WDR87: variants seen among roughly 807,000 people sequenced by gnomAD.
WDR87 encodes WD repeat-containing protein 87.
A neutral mutation model predicts 83.3 loss-of-function variants in WDR87; 56 were observed. The observed-to-expected ratio is 0.67, with a 90% CI of 0.54 to 0.84. WDR87 has a LOEUF of 0.84. Among genes scored for constraint, WDR87 ranks in the 40% least tolerant of loss-of-function variants. WDR87 has a pLI of 0.00. For synonymous variants in WDR87, 1,173 were observed against 1,250.6 expected (o/e 0.94, Z 1.31); for missense variants, 2,939 against 3,431.9 (o/e 0.86, Z 3.59).
Position 37,889,133 on chromosome 19 carries a change from G to A in WDR87, c.4538C>T (p.Thr1513Ile), listed in dbSNP as rs1268009703. The change falls in exon 6 of 6, where the codon ACA becomes ATA. Residue 1513 changes from threonine to isoleucine, a missense_variant. Around this residue, in one of 3 missense-constraint regions of WDR87, gnomAD observed 2,160 missense variants for 2,533.1 expected, o/e 0.85. Transcript: ENST00000447313. The stretch of plus-strand genomic sequence containing the variant: ...CTTCCATGCCTTCCAGGATTTCCTT[G>A]TCTCACCATGGACCTGTTTCCACTC... The part of the protein sequence containing the change: ...WDEWKQVHGE[T>I]RKSWKAWKEE... 6.4e-7 allele frequency: 1 copy of A among 1,552,046 alleles called. No individual in the cohort carries two copies. The highest frequency in any genetic ancestry group is 8.7e-7 in the Non-Finnish European group (1 of 1,147,090).
At position 37,886,711 on chromosome 19, in the gene WDR87, C is replaced by T; in HGVS notation, c.6960G>A (p.Glu2320=). Residue 2320 remains glutamate, a synonymous_variant, in exon 6 of 6, where the codon GAG becomes GAA. Coordinates refer to ENST00000447313, the MANE Select transcript of WDR87 (RefSeq NM_001291088.2). ...EEEEGEEKQV[E]KEEEEKKKKK... Reference sequence around the variant, plus strand: ...TCTTCTTCTTCTCCTCCTCTTCTTTCTCCACTTGCTTCTCCTCCCCTTCCT... The same window carrying T: ...TCTTCTTCTTCTCCTCCTCTTCTTTTTCCACTTGCTTCTCCTCCCCTTCCT... 6.9e-7 allele frequency: 1 copy of T among 1,449,320 alleles called. No homozygotes were observed. The highest frequency in any genetic ancestry group is 1.4e-5 in the African/African-American group (1 of 70,250). The allele number at this position is 1,449,320 out of a possible 1,614,324, so 89.8% of individuals were successfully genotyped here. A position where few individuals can be genotyped will look rare whatever the true frequency, so the allele number is the denominator to read the frequency against.
In WDR87 at chr19:37,889,210, C is replaced by G. The variant is rs1314294856; in HGVS notation, c.4461G>C (p.Leu1487=). 1 of 1,552,076 alleles carries G rather than the reference C, an allele frequency of 6.4e-7. No individual in the cohort carries two copies. Among genetic ancestry groups the G allele is most frequent in the East Asian group, 2.4e-5 (1 of 40,916 alleles). Residue 1487 remains leucine (L), a synonymous_variant, in exon 6 of 6, where the codon CTG becomes CTC. Transcript: ENST00000447313. ...AAGATGGTGTCCTCTCAATCATAAC[C>G]AGTTTTCCTTCTTGTTTGACCACTT... ...EEKVVKQEGK[L]VMIERTPSWQ...
rs551479428 is a variant in WDR87, at chr19:37,894,983, G to A, written c.720C>T (p.Ser240=). The A allele has an allele frequency of 4.5e-5, 70 of 1,551,664 alleles. No homozygotes were observed. The South Asian group carries it at 6.3e-4, about 14-fold the overall frequency. Residue 240 remains serine, a synonymous_variant, in exon 4 of 6, where the codon AGC becomes AGT. Transcript: ENST00000447313. Reference sequence around the variant, plus strand: ...TGAAGCAGCAGGTGATGGAGGAGCCGCTGCTGGTGGACGTGAACCTCTTTA... The same window carrying A: ...TGAAGCAGCAGGTGATGGAGGAGCCACTGCTGGTGGACGTGAACCTCTTTA... ...GEVKRFTSTS[S]GSSITCCFTC...
In WDR87 at chr19:37,889,778, G is replaced by GT; in HGVS notation, c.3892dup (p.Thr1298AsnfsTer10). On this transcript the variant is annotated frameshift_variant, in exon 6 of 6. Coordinates refer to ENST00000447313, the MANE Select transcript of WDR87 (RefSeq NM_001291088.2). LOFTEE classifies it low-confidence loss of function (END_TRUNC). ...AGCGTTTAGGTTTTCTGACATTTTT[G>GT]TTTGGGAACCAGATATCCTCAGGGC... The GT allele has an allele frequency of 6.4e-7, 1 of 1,551,664 alleles. No homozygotes were observed. Among genetic ancestry groups the GT allele is most frequent in the African/African-American group, 1.4e-5 (1 of 73,140 alleles).
chr19:37,901,400 C>T (rs2046293004), intron 1 of WDR87, among the ~76,000 whole-genome samples: 1 of 152,202 alleles, frequency 6.6e-6, no homozygotes, highest in South Asian at 2.1e-4. Context: ...CACTGCATTC[C>T]AGCCTGGGTG....
At position 37,889,327 on chromosome 19, in the gene WDR87, CT is replaced by C. The variant is rs1280498616; in HGVS notation, c.4343del (p.Lys1448ArgfsTer5). On this transcript the variant is annotated frameshift_variant, in exon 6 of 6. Transcript: ENST00000447313. LOFTEE classifies it low-confidence loss of function (END_TRUNC). ...TCTTTATTTTTCCTACTTTTCTTTC[CT>C]TCTGGACAGCTTTCCTCCCTTGCTT... ...SPKQGRKAVQ[K>X]ERKVGKIKRE... 5 of 1,551,676 alleles carry C rather than the reference CT, an allele frequency of 3.2e-6. No homozygotes were observed. The highest frequency in any genetic ancestry group is 4.4e-6 in the Non-Finnish European group (5 of 1,147,044).
Position 37,888,019 on chromosome 19 carries a change from ATTC to A in WDR87, c.5649_5651del (p.Lys1883del). ...CCAATTTTTCCTTCTCCTGGGCCAGATTCTTCTTTTCCTGAGCCAGATTCTTCT... is the reference window on the plus strand; with the variant it reads ...CCAATTTTTCCTTCTCCTGGGCCAGATTCTTTTCCTGAGCCAGATTCTTCT... On this transcript the variant is annotated inframe_deletion, in exon 6 of 6. Transcript: ENST00000447313. 2 of 1,550,420 alleles carry A rather than the reference ATTC, an allele frequency of 1.3e-6. No individual in the cohort carries two copies. The highest frequency in any genetic ancestry group is 1.2e-5 in the South Asian group (1 of 83,746).
Position 37,894,398 on chromosome 19 carries a change from T to C in WDR87, c.1305A>G (p.Val435=), listed in dbSNP as rs986782344. Reference sequence around the variant, plus strand: ...GGCAAGGGCAGCGGGTTGTGTCAAATACCAGAACCTCTGAGCTGCCTGTTG... The same window carrying C: ...GGCAAGGGCAGCGGGTTGTGTCAAACACCAGAACCTCTGAGCTGCCTGTTG... The part of the protein sequence containing the change: ...FVATGSSEVL[V]FDTTRCPCPA... Residue 435 remains valine (V), a synonymous_variant, in exon 4 of 6, where the codon GTA becomes GTG. Coordinates refer to ENST00000447313, the MANE Select transcript of WDR87 (RefSeq NM_001291088.2). The C allele has an allele frequency of 1.5e-5, 23 of 1,551,576 alleles. No homozygotes were observed. The highest frequency in any genetic ancestry group is 1.4e-4 in the South Asian group (12 of 84,056).
rs577436279 is a variant in WDR87, at chr19:37,893,577, GAGA to G, written c.2123_2125del (p.Phe708del). The G allele has an allele frequency of 4.9e-4, 762 of 1,551,726 alleles. 1 individual carries two copies. The highest frequency in any genetic ancestry group is 6.3e-4 in the Non-Finnish European group (720 of 1,147,048). On this transcript the variant is annotated inframe_deletion, in exon 4 of 6. Coordinates refer to ENST00000447313, the MANE Select transcript of WDR87 (RefSeq NM_001291088.2). ...CTTGGGCACAAACATGGTCTCAAAG[GAGA>G]AGAAGAAGCTTGGTATGAAAGGCTT...
At position 37,893,878 on chromosome 19, in the gene WDR87, TGGCACACA is replaced by T. The variant is rs2046229970; in HGVS notation, c.1817_1824del (p.Leu606HisfsTer5). On this transcript the variant is annotated frameshift_variant, in exon 4 of 6. Transcript: ENST00000447313. LOFTEE classifies it high-confidence loss of function. ...GAGAGGCAGACATCAAAGGATGTGA[TGGCACACA>T]GGTGCAGAGGCAGTGTTTCTATGAA... The T allele has an allele frequency of 6.4e-7, 1 of 1,551,854 alleles. No homozygotes were observed. The highest frequency in any genetic ancestry group is 1.4e-5 in the African/African-American group (1 of 73,060).
At chr19:37,906,248 C>A (rs1284829712) in intron 1 of WDR87, among the ~76,000 whole-genome samples, 1 of 152,128 alleles carries the variant, frequency 6.6e-6, no homozygotes, top group Non-Finnish European at 1.5e-5. Context: ...TAAATTTGGA[C>A]AAAATTTCCC....
Position 37,888,775 on chromosome 19 carries a change from C to A in WDR87, c.4896G>T (p.Arg1632Ser), listed in dbSNP as rs2046175556. The change falls in exon 6 of 6, where the codon AGG becomes AGT. Residue 1632 changes from arginine (R) to serine (S), a missense_variant. Around this residue, in one of 3 missense-constraint regions of WDR87, gnomAD observed 2,160 missense variants for 2,533.1 expected, o/e 0.85. Transcript: ENST00000447313. Reference sequence around the variant, plus strand: ...GTTTCTCTTCTTCTTGTGCTAATTTCCTCTCTTCTTGGGCTCGTTTTTTTT... The same window carrying A: ...GTTTCTCTTCTTCTTGTGCTAATTTACTCTCTTCTTGGGCTCGTTTTTTTT... ...RAEKKRAQEE[R>S]KLAQEEEKLA... 1.3e-6 allele frequency: 2 copies of A among 1,551,706 alleles called. No homozygotes were observed. The highest frequency in any genetic ancestry group is 1.4e-5 in the African/African-American group (1 of 73,014).
chr19:37,889,518 C>T lies in WDR87; in HGVS notation c.4153G>A (p.Glu1385Lys), dbSNP rs1260530618. Residue 1385 changes from glutamate (E) to lysine (K), a missense_variant, in exon 6 of 6, where the codon GAA becomes AAA. This residue lies in a region of WDR87 where 2,160 missense variants were observed against 2,533.1 expected (regional missense o/e 0.85). Coordinates refer to ENST00000447313, the MANE Select transcript of WDR87 (RefSeq NM_001291088.2). ...GCTTTCTTTTGTGCTTGTTCTTCTT[C>T]CCTTGGCATCACTTCCTTGTGTCTG... ...VIRHKEVMPR[E>K]EEQAQKKARD... 3 of 1,551,590 alleles carry T rather than the reference C, an allele frequency of 1.9e-6. No homozygotes were observed. The highest frequency in any genetic ancestry group is 1.4e-5 in the African/African-American group (1 of 72,998).
chr19:37,895,361 A>G lies in WDR87; in HGVS notation c.342T>C (p.His114=), dbSNP rs2046245905. The G allele has an allele frequency of 3.2e-6, 5 of 1,551,778 alleles. No homozygotes were observed. The highest frequency in any genetic ancestry group is 2.0e-5 in the Admixed American group (1 of 51,006). The change falls in exon 4 of 6, where the codon CAT becomes CAC. Residue 114 remains histidine, a synonymous_variant. Coordinates refer to ENST00000447313, the MANE Select transcript of WDR87 (RefSeq NM_001291088.2). ...ERLPPIQSMV[H]AGSFHILVVY... is the part of the protein sequence containing the mutation. Reference sequence around the variant, plus strand: ...CCACGAGGATATGAAAGGAGCCTGCATGGACCATGGACTGGATGGGTGGCA... The same window carrying G: ...CCACGAGGATATGAAAGGAGCCTGCGTGGACCATGGACTGGATGGGTGGCA...
intron 2 of WDR87, 135 bp downstream of exon 2, chr19:37,898,030 G>T: frequency 1.1e-6 from 1 of 952,014 alleles, no homozygotes; most frequent in Non-Finnish European, 1.5e-6. Flanking sequence ...CCTACCTCCT[G>T]CTAAGGTGGT....
rs931603600 is a variant in WDR87 at position 37,891,478 on chromosome 19, C to T, written c.3394+74G>A. On this transcript the variant is annotated intron_variant, in intron 5 of 5. Coordinates refer to ENST00000447313, the MANE Select transcript of WDR87 (RefSeq NM_001291088.2). Reference sequence around the variant, plus strand: ...TGTCCCGCCAGCCCACCTAGTATCTCTTGATCCACTTTAACCCTAACTACC... The same window carrying T: ...TGTCCCGCCAGCCCACCTAGTATCTTTTGATCCACTTTAACCCTAACTACC... The T allele has an allele frequency of 6.0e-6, 9 of 1,506,540 alleles. No homozygotes were observed. In the Admixed American group the frequency reaches 2.0e-4, roughly 33 times the overall value. 93.3% of individuals were successfully genotyped at this position (1,506,540 alleles called of 1,614,324 possible). A position where few individuals can be genotyped will look rare whatever the true frequency, so the allele number is the denominator to read the frequency against.
In WDR87 at chr19:37,886,783, C is replaced by G. The variant is rs1437200741; in HGVS notation, c.6888G>C (p.Arg2296Ser). 19 of 1,540,710 alleles carry G rather than the reference C, an allele frequency of 1.2e-5. No homozygotes were observed. Among genetic ancestry groups the G allele is most frequent in the Non-Finnish European group, 1.7e-5 (19 of 1,141,574 alleles). The change falls in exon 6 of 6, where the codon AGG becomes AGC. Residue 2296 changes from arginine (R) to serine (S), a missense_variant. This residue lies in a region of WDR87 where 2,160 missense variants were observed against 2,533.1 expected (regional missense o/e 0.85). Coordinates refer to ENST00000447313, the MANE Select transcript of WDR87 (RefSeq NM_001291088.2). ...EEEEREEEEE[R>S]EEEEEREEEE... ...CCTCCTCCCTTTCCTCCTCCTCCTC[C>G]CTTTCCTCTTCTTCCTCCCTTTCCT...
intron 1 of WDR87, among the ~76,000 whole-genome samples, chr19:37,904,114 C>G (rs1311146873): frequency 6.6e-6 from 1 of 151,916 alleles, no homozygotes; most frequent in Non-Finnish European, 1.5e-5. Context: ...ATGTTAGCCT[C>G]GATGGTCTCA....
Position 37,894,915 on chromosome 19 carries a change from C to G in WDR87, c.788G>C (p.Gly263Ala). The G allele has an allele frequency of 6.4e-7, 1 of 1,551,730 alleles. No individual in the cohort carries two copies. Among genetic ancestry groups the G allele is most frequent in the Non-Finnish European group, 8.7e-7 (1 of 1,147,006 alleles). Residue 263 changes from glycine to alanine, a missense_variant, in exon 4 of 6, where the codon GGG (glycine) becomes GCG (alanine). This residue lies in a region of WDR87 where 553 missense variants were observed against 577.9 expected (regional missense o/e 0.96). Coordinates refer to ENST00000447313, the MANE Select transcript of WDR87 (RefSeq NM_001291088.2). Reference protein sequence around the residue: ...QGFLYAGNQAGEIQVWSLQQG... With the variant: ...QGFLYAGNQAAEIQVWSLQQG... ...CTGGAGGCTCCAAACTTGGATTTCC[C>G]CAGCTTGGTTTCCAGCATAGAGAAA...
Sources: gnomAD v4.1 joint callset for allele counts (sites outside exome capture counted in the v4.1 genomes callset) on GRCh38, gnomAD v4.1.1 for gene constraint, gnomAD v4.1.1 regional missense constraint, MANE v1.5 for transcripts, NCBI Gene and HGNC (gene_info 2026-07-23, HGNC 2026-07-21) for gene names.